The following GLG1 variants were observed in gnomAD, a reference collection of about 807,000 sequenced individuals.
GLG1 encodes the protein golgi glycoprotein 1.
Under a neutral mutation model 160.5 loss-of-function variants are expected in GLG1, and 38 were observed. The observed-to-expected ratio is 0.24, with a 90% CI of 0.18 to 0.31. The LOEUF is 0.31. Ranked by LOEUF, GLG1 falls within the 10% of genes least tolerant of loss-of-function variation. The probability of loss-of-function intolerance (pLI) is 1.00; values close to 1 mark genes in which losing one functional copy is unlikely to be tolerated. For synonymous variants in GLG1, 644 were observed against 543.4 expected (o/e 1.19, Z -2.57); for missense variants, 1,373 against 1,505.2 (o/e 0.91, Z 1.45).
In GLG1 at chr16:74,470,082, T is replaced by TAA; in HGVS notation, c.2230-11_2230-10dup. Reference sequence around the variant, plus strand: ...AAATCCTTCATCTGCACCTGAAAGGTAAAGAGAAAGAAAGTCAGAAGTTTT... The same window carrying TAA: ...AAATCCTTCATCTGCACCTGAAAGGTAAAAAGAGAAAGAAAGTCAGAAGTTTT... On this transcript the variant is annotated splice_polypyrimidine_tract_variant and intron_variant, in intron 15 of 25. Transcript: ENST00000422840. 6.4e-7 allele frequency: 1 copy of TAA among 1,569,710 alleles called. No homozygotes were observed. The highest frequency in any genetic ancestry group is 8.8e-7 in the Non-Finnish European group (1 of 1,140,858).
chr16:74,600,691 C>T (rs1303646300), intron 1 of GLG1, among the ~76,000 whole-genome samples: 1 of 143,928 alleles, frequency 6.9e-6, no homozygotes, highest in African/African-American at 2.6e-5. Context: ...AAGAATACGC[C>T]ATTGCACTCC....
intron 7 of GLG1, among the ~76,000 whole-genome samples, chr16:74,492,745 G>C (rs1282951458): frequency 6.6e-6 from 1 of 151,590 alleles, no homozygotes; most frequent in Admixed American, 6.6e-5. Flanking sequence ...CGTGAACACG[G>C]AAGGCGGAGC....
At chr16:74,514,965 C>T (rs1351680460) in intron 2 of GLG1, among the ~76,000 whole-genome samples, 2 of 147,612 alleles carry the variant, frequency 1.4e-5, no homozygotes, top group Non-Finnish European at 3.0e-5. Flanking sequence ...AAATGGAAAG[C>T]AAAAGAAAAA....
chr16:74,502,722 G>GTT (rs745410150), intron 4 of GLG1, among the ~76,000 whole-genome samples: 45 of 109,562 alleles, frequency 4.1e-4, no homozygotes, highest in African/African-American at 1.1e-3. Context: ...TTTGTTTTTG[G>GTT]TTTTTTTTTT....
intron 1 of GLG1, among the ~76,000 whole-genome samples, chr16:74,600,476 A>G (rs1005205462): frequency 2.0e-5 from 3 of 152,154 alleles, no homozygotes; most frequent in Non-Finnish European, 2.9e-5. Context: ...TTACACCTGT[A>G]ATCCTAGCAC....
chr16:74,580,107 T>G (rs1789114424), intron 1 of GLG1, among the ~76,000 whole-genome samples: 1 of 152,050 alleles, frequency 6.6e-6, no homozygotes, highest in Admixed American at 6.6e-5. Context: ...CCAGAAGAGC[T>G]GAATCTCATG....
intron 1 of GLG1, among the ~76,000 whole-genome samples, chr16:74,598,220 T>C (rs1958351690): frequency 6.6e-6 from 1 of 152,050 alleles, no homozygotes; most frequent in Non-Finnish European, 1.5e-5. Context: ...CAATAAATGT[T>C]TGCTGAAAGA....
intron 23 of GLG1, 80 bp from the exon 24 acceptor site, chr16:74,458,074 C>T: frequency 2.1e-6 from 3 of 1,397,978 alleles, no homozygotes; most frequent in Non-Finnish European, 3.0e-6. Context: ...ACTTCATATA[C>T]TAATAAAAAA....
intron 1 of GLG1, among the ~76,000 whole-genome samples, chr16:74,588,080 CAG>C (rs1958092046): frequency 1.3e-5 from 2 of 148,772 alleles, no homozygotes; most frequent in Admixed American, 6.7e-5. Context: ...AAATGAAACA[CAG>C]AGAGAAAAAA....
intron 4 of GLG1, among the ~76,000 whole-genome samples, chr16:74,501,073 G>A (rs535649479): frequency 1.0e-3 from 158 of 152,326 alleles, no homozygotes; most frequent in African/African-American, 3.7e-3. Context: ...ATTTGAAACT[G>A]ACAAGCCTGT....
In GLG1 at chr16:74,600,322, G is replaced by T. The variant is rs9931075; in HGVS notation, c.438+6335C>A. ...GTGGGAGGAGAGCTTGAGCCCAGGAGTTTGAGGTTGCAGTGAGCCATGATC... is the reference window on the plus strand; with the variant it reads ...GTGGGAGGAGAGCTTGAGCCCAGGATTTTGAGGTTGCAGTGAGCCATGATC... On this transcript the variant is annotated intron_variant, in intron 1 of 25. Coordinates refer to ENST00000422840, the MANE Select transcript of GLG1 (RefSeq NM_001145667.2). 4.5e-3 allele frequency among the ~76,000 whole-genome samples: 687 copies of T among 151,964 alleles called. 4 individuals carry two copies. Among genetic ancestry groups the T allele is most frequent in the African/African-American group, 0.016 (664 of 41,426 alleles).
chr16:74,541,757 C>G (rs140186043), intron 1 of GLG1, among the ~76,000 whole-genome samples: 195 of 152,046 alleles, frequency 1.3e-3, no homozygotes, highest in African/African-American at 4.6e-3. Flanking sequence ...AATAAGAATT[C>G]AAAATACATG....
At chr16:74,506,607 C>CAAAAAAAAAAAAAG (rs1567489940) in intron 3 of GLG1, among the ~76,000 whole-genome samples, 1 of 126,724 alleles carries the variant, frequency 7.9e-6, no homozygotes, top group Non-Finnish European at 1.6e-5. Flanking sequence ...AAAAAAAACT[C>CAAAAAAAAAAAAAG]AAGAGAAACC....
intron 2 of GLG1, among the ~76,000 whole-genome samples, chr16:74,511,226 G>A (rs570487071): frequency 1.3e-5 from 2 of 152,150 alleles, no homozygotes; most frequent in Non-Finnish European, 2.9e-5. Context: ...TGACATGGAA[G>A]CATGCAGTTA....
At chr16:74,572,691 T>C (rs901625246) in intron 1 of GLG1, among the ~76,000 whole-genome samples, 2 of 152,194 alleles carry the variant, frequency 1.3e-5, no homozygotes, top group Non-Finnish European at 2.9e-5. Context: ...GCTGTTCATC[T>C]GTGTCCTTCA....
rs189006890 is a variant in GLG1 at position 74,592,189 on chromosome 16, T to C, written c.438+14468A>G. Among the ~76,000 whole-genome samples the C allele has an allele frequency of 4.0e-4, 61 of 152,260 alleles. 1 individual carries two copies. Among genetic ancestry groups the C allele is most frequent in the African/African-American group, 1.4e-3 (58 of 41,572 alleles). The stretch of plus-strand genomic sequence containing the variant: ...ATGGAGTCTTGCTCTGTCATCCAGG[T>C]TGGAGTGCAATAGAGCGATCTTGGC... On this transcript the variant is annotated intron_variant, in intron 1 of 25. Coordinates refer to ENST00000422840, the MANE Select transcript of GLG1 (RefSeq NM_001145667.2).
At chr16:74,588,883 C>T (rs1333638183) in intron 1 of GLG1, among the ~76,000 whole-genome samples, 4 of 151,604 alleles carry the variant, frequency 2.6e-5, no homozygotes, top group African/African-American at 9.7e-5. Context: ...AGCAACTTGA[C>T]TAAGAATAAT....
chr16:74,546,836 T>TAAAAAAA (rs1567516225), intron 1 of GLG1, among the ~76,000 whole-genome samples: 1 of 716 alleles, frequency 1.4e-3, no homozygotes, highest in African/African-American at 3.9e-3. Context: ...AGACTCCATC[T>TAAAAAAA]CAAAAAAAAA....
intron 2 of GLG1, among the ~76,000 whole-genome samples, chr16:74,523,620 T>C (rs1367367849): frequency 6.6e-6 from 1 of 152,206 alleles, no homozygotes; most frequent in Admixed American, 6.5e-5. Context: ...AATAATATTT[T>C]ACACTTATCT....
Sources: gnomAD v4.1 joint callset for allele counts (sites outside exome capture counted in the v4.1 genomes callset) on GRCh38, gnomAD v4.1.1 for gene constraint, MANE v1.5 for transcripts, NCBI Gene and HGNC (gene_info 2026-07-23, HGNC 2026-07-21) for gene names.